SLA: variants seen among roughly 807,000 people sequenced by gnomAD.
SLA encodes Src like adaptor.
In SLA, 16 loss-of-function variants were observed where a neutral mutation model predicts 30.3. That is an observed-to-expected ratio of 0.53 (90% CI 0.36 to 0.80). The LOEUF is 0.80. SLA is among the 30% of genes least tolerant of loss of function. SLA has a pLI of 0.01. For missense variants in SLA, 310 were observed against 345.2 expected, an observed-to-expected ratio of 0.90 and a Z score of 0.81; for synonymous variants, 143 against 137.8, an observed-to-expected ratio of 1.04 and a Z score of -0.26.
At chr8:133,096,249 T>C in intron 1 of SLA, 1 of 1,614,246 alleles carries the variant, frequency 6.2e-7, no homozygotes, top group African/African-American at 1.3e-5. Flanking sequence ...GGTCCTGTGA[T>C]CGATGGCCAC....
intron 2 of SLA, among the ~76,000 whole-genome samples, chr8:133,064,948 A>G (rs916678942): frequency 6.6e-6 from 1 of 152,204 alleles, no homozygotes; most frequent in Non-Finnish European, 1.5e-5. Context: ...AAGGGAAGGC[A>G]GGTCATAAAG....
At chr8:133,091,588 G>T (rs1198734244) in intron 1 of SLA, among the ~76,000 whole-genome samples, 1 of 152,094 alleles carries the variant, frequency 6.6e-6, no homozygotes, top group South Asian at 2.1e-4. Flanking sequence ...GTGTGTATGT[G>T]TCTGAGTGTG....
At chr8:133,098,811 C>A (rs1848824425) in intron 1 of SLA, among the ~76,000 whole-genome samples, 1 of 152,042 alleles carries the variant, frequency 6.6e-6, no homozygotes, top group African/African-American at 2.4e-5. Flanking sequence ...AGAGGGTAGC[C>A]CAGGCTCATG....
intron 7 of SLA, among the ~76,000 whole-genome samples, chr8:133,042,686 T>A (rs1486527152): frequency 8.4e-6 from 1 of 118,388 alleles, no homozygotes; most frequent in Non-Finnish European, 1.7e-5. Context: ...GTCTTTTTTT[T>A]TTTTTTTTTT....
At chr8:133,079,012 A>G (rs1845333569) in intron 1 of SLA, among the ~76,000 whole-genome samples, 1 of 152,184 alleles carries the variant, frequency 6.6e-6, no homozygotes, top group Non-Finnish European at 1.5e-5. Flanking sequence ...CAGGAACTTC[A>G]TGGCACTGAG....
chr8:133,051,001 A>G, intron 3 of SLA, 86 bp from the exon 4 acceptor site: 1 of 752,724 alleles, frequency 1.3e-6, no homozygotes, highest in Admixed American at 2.2e-5. Context: ...GGAGGGTATG[A>G]AGATGAGATT....
intron 1 of SLA, among the ~76,000 whole-genome samples, chr8:133,078,120 G>A (rs1199749029): frequency 6.6e-6 from 1 of 152,194 alleles, no homozygotes; most frequent in Non-Finnish European, 1.5e-5. Context: ...CTGCTGTGTA[G>A]CAAGGCTCCT....
chr8:133,100,507 A>G (rs61093781), intron 1 of SLA, among the ~76,000 whole-genome samples: 5,336 of 152,334 alleles, frequency 0.035, 309 homozygotes, highest in African/African-American at 0.12. Flanking sequence ...GAAATTATGA[A>G]GAACTGACTA....
chr8:133,059,148 C>G (rs780644762), intron 3 of SLA: 1 of 456,160 alleles, frequency 2.2e-6, no homozygotes, highest in African/African-American at 2.0e-5. Context: ...GAACTCCGCC[C>G]AGGGCGGTGC....
intron 7 of SLA, among the ~76,000 whole-genome samples, chr8:133,040,498 T>C (rs957125678): frequency 3.3e-5 from 5 of 152,170 alleles, no homozygotes; most frequent in African/African-American, 9.7e-5. Context: ...AACAAGTGAG[T>C]GCCTGCAGAA....
chr8:133,058,024 C>T (rs1366664108), intron 3 of SLA, among the ~76,000 whole-genome samples: 2 of 152,140 alleles, frequency 1.3e-5, no homozygotes, highest in Non-Finnish European at 2.9e-5. Context: ...GCAAGACCTG[C>T]ACCGTCTCCT....
chr8:133,038,803 T>A, intron 8 of SLA, 66 bp from the exon 9 acceptor site: 1 of 1,054,460 alleles, frequency 9.5e-7, no homozygotes. Flanking sequence ...GAGGAGGAGA[T>A]AAAGGGCAAG....
At chr8:133,051,930 G>C (rs1840479325) in intron 3 of SLA, among the ~76,000 whole-genome samples, 1 of 152,200 alleles carries the variant, frequency 6.6e-6, no homozygotes, top group Admixed American at 6.5e-5. Context: ...CTGAGCACCT[G>C]TCGTAAGCAG....
At chr8:133,043,578 C>T (rs1189166740) in intron 7 of SLA, among the ~76,000 whole-genome samples, 1 of 152,238 alleles carries the variant, frequency 6.6e-6, no homozygotes, top group East Asian at 1.9e-4. Flanking sequence ...AGCCCATATT[C>T]ACCCACCTCC....
At position 133,060,210 on chromosome 8, in the gene SLA, A is replaced by G; in HGVS notation, c.-40-10T>C. On this transcript the variant is annotated splice_polypyrimidine_tract_variant and intron_variant, in intron 2 of 8. Coordinates refer to ENST00000338087, the MANE Select transcript of SLA (RefSeq NM_001045556.3). ...TGGTGATGCCCAGAGCCTGTGGTAT[A>G]GGAGACAGACGGGGAAAGTCAACCG... 2 of 1,613,428 alleles carry G rather than the reference A, an allele frequency of 1.2e-6. No individual in the cohort carries two copies. Among genetic ancestry groups the G allele is most frequent in the South Asian group, 2.2e-5 (2 of 90,968 alleles).
intron 6 of SLA, among the ~76,000 whole-genome samples, chr8:133,046,775 G>C (rs1181502570): frequency 6.6e-6 from 1 of 152,132 alleles, no homozygotes; most frequent in African/African-American, 2.4e-5. Context: ...AGCATATTTG[G>C]GTTTTTTAGA....
Position 133,094,030 on chromosome 8 carries a change from C to T in SLA, c.-319+8523G>A, listed in dbSNP as rs1456389141. ...TCACCACCACTGCCTCCCCTGGTTACCCATGACTCTTCAGTGGGCAGCCAG... is the reference window on the plus strand; with the variant it reads ...TCACCACCACTGCCTCCCCTGGTTATCCATGACTCTTCAGTGGGCAGCCAG... On this transcript the variant is annotated intron_variant, in intron 1 of 8. Transcript: ENST00000338087. Among the ~76,000 whole-genome samples, 4 of 152,202 alleles carry T rather than the reference C, an allele frequency of 2.6e-5. No homozygotes were observed. In the East Asian group the frequency reaches 5.8e-4, roughly 22 times the overall value.
At chr8:133,083,832 C>T (rs1040627835) in intron 1 of SLA, among the ~76,000 whole-genome samples, 7 of 152,286 alleles carry the variant, frequency 4.6e-5, no homozygotes, top group African/African-American at 9.6e-5. Flanking sequence ...CCTGCTGCCC[C>T]GTCCAGGTTC....
At chr8:133,059,291 C>G (rs1380916500) in intron 3 of SLA, 3 of 368,888 alleles carry the variant, frequency 8.1e-6, no homozygotes, top group Non-Finnish European at 1.6e-5. Flanking sequence ...CGTCCCTTTC[C>G]CAAGACCCCA....
Sources: allele counts gnomAD v4.1 joint callset (sites outside exome capture counted in the v4.1 genomes callset), GRCh38; gene constraint gnomAD v4.1.1; transcripts MANE v1.5; gene names NCBI Gene and HGNC (gene_info 2026-07-23, HGNC 2026-07-21).